The following CSMD1 variants were observed in gnomAD, a reference collection of about 807,000 sequenced individuals.
The protein encoded by CSMD1 is CUB and sushi domain-containing protein 1.
Under a neutral mutation model 417.5 loss-of-function variants are expected in CSMD1, and 213 were observed. The observed-to-expected ratio is 0.51, with a 90% confidence interval of 0.46 to 0.57. The LOEUF (loss-of-function observed/expected upper bound fraction) is 0.57, where lower values mean the gene tolerates loss of function less well. CSMD1 is among the 20% of genes least tolerant of loss of function. The probability of loss-of-function intolerance (pLI) is 0.00; values close to 1 mark genes in which losing one functional copy is unlikely to be tolerated. For synonymous variants in CSMD1, 2,862 were observed against 1,736.8 expected (o/e 1.65, Z -16.11); for missense variants, 6,923 against 4,529.7 (o/e 1.53, Z -15.17).
intron 2 of CSMD1, among the ~76,000 whole-genome samples, chr8:4,486,903 A>G (rs1268415382): frequency 6.6e-6 from 1 of 152,052 alleles, no homozygotes; most frequent in East Asian, 1.9e-4. Context: ...AAGAAGGGGG[A>G]ATTAGAATTT....
At chr8:4,223,860 G>A (rs553638535) in intron 3 of CSMD1, among the ~76,000 whole-genome samples, 1 of 152,110 alleles carries the variant, frequency 6.6e-6, no homozygotes, top group Non-Finnish European at 1.5e-5. Flanking sequence ...AACATGTAAA[G>A]GTCCCTAAAA....
intron 1 of CSMD1, among the ~76,000 whole-genome samples, chr8:4,748,190 C>T (rs1027878488): frequency 1.3e-5 from 2 of 152,190 alleles, no homozygotes; most frequent in Admixed American, 6.5e-5. Context: ...GGCACATAAA[C>T]ATCATGCTCA....
chr8:3,982,983 G>T (rs965407059), intron 5 of CSMD1, among the ~76,000 whole-genome samples: 1 of 151,962 alleles, frequency 6.6e-6, no homozygotes, highest in Non-Finnish European at 1.5e-5. Flanking sequence ...GACAAATAGG[G>T]CCCCTAGAGC....
chr8:4,895,025 A>C (rs1804384133), intron 1 of CSMD1, among the ~76,000 whole-genome samples: 2 of 152,110 alleles, frequency 1.3e-5, no homozygotes, highest in African/African-American at 2.4e-5. Context: ...TCTTGACCTG[A>C]GTTTTTTCAT....
chr8:3,708,065 G>A (rs1801277859), intron 7 of CSMD1, among the ~76,000 whole-genome samples: 1 of 152,178 alleles, frequency 6.6e-6, no homozygotes, highest in African/African-American at 2.4e-5. Context: ...CTCCTTTGCA[G>A]AGATCAGTCT....
chr8:4,181,300 A>G (rs1295933288), intron 3 of CSMD1, among the ~76,000 whole-genome samples: 6 of 152,208 alleles, frequency 3.9e-5, no homozygotes, highest in African/African-American at 1.4e-4. Flanking sequence ...GTAAAACAAT[A>G]ATGATTTATG....
Position 4,292,936 on chromosome 8 carries a change from C to G in CSMD1, c.415+127017G>C, listed in dbSNP as rs551192118. Among the ~76,000 whole-genome samples, 5 of 152,190 alleles carry G rather than the reference C, an allele frequency of 3.3e-5. No homozygotes were observed. The South Asian group carries it at 1.0e-3, about 32-fold the overall frequency. ...AATTCATGGATAGTATTAACAGAAA[C>G]CAACAAGGGACCCACAAAGCACTCC... On this transcript the variant is annotated intron_variant, in intron 3 of 69. Transcript: ENST00000635120.
chr8:3,507,864 T>C (rs984123318), intron 10 of CSMD1, among the ~76,000 whole-genome samples: 2 of 152,206 alleles, frequency 1.3e-5, no homozygotes, highest in African/African-American at 4.8e-5. Context: ...TTTGTTTTTT[T>C]TCTTGCAAAT....
At chr8:4,177,060 C>A (rs1584963218) in intron 3 of CSMD1, among the ~76,000 whole-genome samples, 1 of 152,160 alleles carries the variant, frequency 6.6e-6, no homozygotes, top group Admixed American at 6.5e-5. Flanking sequence ...GAATTGAACT[C>A]ATCTCTGCAC....
In CSMD1 at chr8:3,899,031, G is replaced by A. The variant is rs147758532; in HGVS notation, c.818+98872C>T. ...GCTAGAAGCCACAAAGGTCGTACGC[G>A]TCCAGGAAAAGAAAACAATTGAGGT... On this transcript the variant is annotated intron_variant, in intron 5 of 69. Transcript: ENST00000635120. Among the ~76,000 whole-genome samples the A allele has an allele frequency of 5.1e-3, 782 of 152,242 alleles. 8 individuals carry two copies. The highest frequency in any genetic ancestry group is 0.018 in the African/African-American group (738 of 41,540).
chr8:3,817,826 C>T (rs1178058252), intron 5 of CSMD1, among the ~76,000 whole-genome samples: 2 of 152,056 alleles, frequency 1.3e-5, no homozygotes, highest in Non-Finnish European at 1.5e-5. Context: ...TCTGGCCACA[C>T]CAAGTCCAGC....
intron 8 of CSMD1, among the ~76,000 whole-genome samples, chr8:3,593,713 G>T (rs1208572561): frequency 1.3e-5 from 2 of 152,134 alleles, no homozygotes; most frequent in Non-Finnish European, 2.9e-5. Context: ...TTATACATCA[G>T]AATTTATAGA....
At chr8:4,192,408 C>T (rs1337475432) in intron 3 of CSMD1, among the ~76,000 whole-genome samples, 1 of 152,088 alleles carries the variant, frequency 6.6e-6, no homozygotes, top group Non-Finnish European at 1.5e-5. Context: ...GTGCCTGGAA[C>T]ATCAAGAGGC....
intron 7 of CSMD1, among the ~76,000 whole-genome samples, chr8:3,696,147 A>G (rs1800540709): frequency 6.6e-6 from 1 of 152,220 alleles, no homozygotes; most frequent in Non-Finnish European, 1.5e-5. Flanking sequence ...TCCCAGATAC[A>G]TAATGAACGT....
At chr8:3,102,479 G>C (rs997178521) in intron 46 of CSMD1, among the ~76,000 whole-genome samples, 2 of 152,186 alleles carry the variant, frequency 1.3e-5, no homozygotes, top group African/African-American at 4.8e-5. Flanking sequence ...TTTGTCTGCA[G>C]AATGCTCCCT....
At chr8:4,320,321 A>G (rs1799197604) in intron 3 of CSMD1, among the ~76,000 whole-genome samples, 2 of 152,186 alleles carry the variant, frequency 1.3e-5, no homozygotes, top group Admixed American at 1.3e-4. Context: ...CCTTCAGGCT[A>G]TTTGTTTTCC....
At chr8:3,446,827 T>C (rs982637287) in intron 12 of CSMD1, among the ~76,000 whole-genome samples, 4 of 152,248 alleles carry the variant, frequency 2.6e-5, no homozygotes, top group Non-Finnish European at 5.9e-5. Flanking sequence ...GGTGCTCAAG[T>C]TATTATTTTT....
intron 3 of CSMD1, among the ~76,000 whole-genome samples, chr8:4,332,870 G>A (rs1027498237): frequency 1.3e-5 from 2 of 150,758 alleles, no homozygotes; most frequent in African/African-American, 4.9e-5. Flanking sequence ...CTACACAAAG[G>A]AATGTTTTTG....
intron 4 of CSMD1, among the ~76,000 whole-genome samples, chr8:4,015,465 G>A (rs17068550): frequency 0.11 from 16,062 of 151,836 alleles, 1,020 homozygotes; most frequent in South Asian, 0.22. Context: ...GTCACATTAC[G>A]TAAGGCTTAA....
Sources: gnomAD v4.1 joint callset for allele counts (sites outside exome capture counted in the v4.1 genomes callset) on GRCh38, gnomAD v4.1.1 for gene constraint, MANE v1.5 for transcripts, NCBI Gene and HGNC (gene_info 2026-07-23, HGNC 2026-07-21) for gene names.